COG2: variants seen among roughly 807,000 people sequenced by gnomAD.
COG2 encodes the protein conserved oligomeric Golgi complex subunit 2.
COG2 carries 52 observed loss-of-function variants against 90.6 expected under a neutral mutation model. The ratio of observed to expected loss-of-function variants is 0.57; its 90% CI spans 0.46 to 0.72. The LOEUF is 0.72. Ranked by LOEUF, COG2 falls within the 30% of genes least tolerant of loss-of-function variation. The probability of loss-of-function intolerance (pLI) is 0.00; values close to 1 mark genes in which losing one functional copy is unlikely to be tolerated. For synonymous variants in COG2, 337 were observed against 320.4 expected (o/e 1.05, Z -0.55); for missense variants, 829 against 891.2 (o/e 0.93, Z 0.89).
Position 230,691,462 on chromosome 1 carries a change from A to G in COG2, c.2013A>G (p.Arg671=), listed in dbSNP as rs759873788. The G allele has an allele frequency of 2.5e-6, 4 of 1,614,178 alleles. No individual in the cohort carries two copies. The highest frequency in any genetic ancestry group is 1.7e-5 in the Admixed American group (1 of 60,024). The stretch of plus-strand genomic sequence containing the variant: ...GCCTGAAAAGGCTGAAACAAGCCAG[A>G]AAAACCACTCCCGCCAACCCCGTCG... ...EESLKRLKQA[R]KTTPANPVGP... The change falls in exon 17 of 18, where the codon AGA becomes AGG. Residue 671 remains arginine, a synonymous_variant. Coordinates refer to ENST00000366669, the MANE Select transcript of COG2 (RefSeq NM_007357.3).
chr1:230,646,324 C>T (rs1661775589), intron 1 of COG2, among the ~76,000 whole-genome samples: 1 of 152,224 alleles, frequency 6.6e-6, no homozygotes, highest in African/African-American at 2.4e-5. Context: ...ACCAGACCTT[C>T]TCTGCTTCCT....
At chr1:230,676,520 G>A (rs149323106) in intron 9 of COG2, among the ~76,000 whole-genome samples, 67 of 151,934 alleles carry the variant, frequency 4.4e-4, no homozygotes, top group Admixed American at 9.8e-4. Flanking sequence ...TTGTTTCCTC[G>A]CTCGTACTTC....
intron 17 of COG2, among the ~76,000 whole-genome samples, chr1:230,692,730 TGC>T (rs200752188): frequency 2.8e-5 from 2 of 72,198 alleles, no homozygotes; most frequent in Non-Finnish European, 4.7e-5. Flanking sequence ...TCTTTCTCTG[TGC>T]GTGTGTGTGG....
intron 1 of COG2, among the ~76,000 whole-genome samples, chr1:230,643,853 G>A (rs896815215): frequency 9.2e-5 from 14 of 152,082 alleles, no homozygotes; most frequent in Admixed American, 7.9e-4. Flanking sequence ...GAAACCCTTC[G>A]TTTTGCCTAC....
intron 8 of COG2, 129 bp from the exon 9 acceptor site, chr1:230,674,869 A>G: frequency 1.5e-6 from 1 of 688,866 alleles, no homozygotes. Flanking sequence ...TAAATTACAA[A>G]TACGGTTTTT....
intron 3 of COG2, 83 bp downstream of exon 3, chr1:230,660,906 CT>C (rs1184376510): frequency 5.7e-6 from 5 of 881,160 alleles, no homozygotes; most frequent in Non-Finnish European, 8.5e-6. Context: ...TTCCTTTAAT[CT>C]GTTAGGTTGT....
At position 230,679,069 on chromosome 1, in the gene COG2, C is replaced by A. The variant is rs753835492; in HGVS notation, c.1166+17C>A. 1.2e-6 allele frequency: 2 copies of A among 1,606,658 alleles called. No homozygotes were observed. The highest frequency in any genetic ancestry group is 2.7e-5 in the African/African-American group (2 of 74,832). ...TCAAATAAGGTTGGTCATCTATTCA[C>A]CGCCCCCGCCCCGCACCCTTCTAAA... On this transcript the variant is annotated intron_variant, in intron 10 of 17. Transcript: ENST00000366669.
rs2478534 is a variant in COG2 at position 230,693,241 on chromosome 1, C to A, written c.2116-51C>A. ...ATTTTCTTTCTTTTTTTTCCCCCCC[C>A]ATATTCAGCTTGAATTGCAGTAACA... is the stretch of plus-strand genomic sequence containing the variant. On this transcript the variant is annotated intron_variant, in intron 17 of 17. Transcript: ENST00000366669. 0.39 allele frequency: 401,002 copies of A among 1,029,706 alleles called. 85,867 individuals carry two copies. The highest frequency in any genetic ancestry group is 0.45 in the Non-Finnish European group (292,136 of 654,424). The allele number at this position is 1,029,706 out of a possible 1,614,324, so 63.8% of individuals were successfully genotyped here.
intron 12 of COG2, among the ~76,000 whole-genome samples, chr1:230,685,667 C>G (rs981498784): frequency 1.3e-5 from 2 of 152,096 alleles, no homozygotes; most frequent in African/African-American, 4.8e-5. Flanking sequence ...TATTAAAATT[C>G]TTTTTTTGAA....
Position 230,663,148 on chromosome 1 carries a change from G to A in COG2, c.308G>A (p.Arg103Lys), listed in dbSNP as rs761922266. ...TTTTTTTGTCTTTTAAAGAGCCTTAGATCGTCTGTCAGTGAAGGAATTCGG... is the reference window on the plus strand; with the variant it reads ...TTTTTTTGTCTTTTAAAGAGCCTTAAATCGTCTGTCAGTGAAGGAATTCGG... Reference protein sequence around the residue: ...GQLREEVLSLRSSVSEGIRAV... With the variant: ...GQLREEVLSLKSSVSEGIRAV... Residue 103 changes from arginine (R) to lysine (K), a missense_variant, in exon 4 of 18, where the codon AGA (arginine) becomes AAA (lysine). Transcript: ENST00000366669. The A allele has an allele frequency of 1.2e-6, 2 of 1,606,900 alleles. No individual in the cohort carries two copies. The highest frequency in any genetic ancestry group is 2.2e-5 in the East Asian group (1 of 44,606).
chr1:230,686,421 G>A (rs1662885779), intron 12 of COG2, among the ~76,000 whole-genome samples: 1 of 152,094 alleles, frequency 6.6e-6, no homozygotes, highest in African/African-American at 2.4e-5. Context: ...TGCCCTGAAT[G>A]TTCATTATCC....
intron 7 of COG2, chr1:230,670,183 A>G (rs1662415357): frequency 1.3e-5 from 2 of 152,236 alleles, no homozygotes; most frequent in Non-Finnish European, 2.9e-5. Flanking sequence ...GTAGGAAACA[A>G]GTATATCCCA....
chr1:230,675,795 A>G (rs1662576812), intron 9 of COG2, among the ~76,000 whole-genome samples: 1 of 152,028 alleles, frequency 6.6e-6, no homozygotes, highest in Admixed American at 6.6e-5. Flanking sequence ...TCAGGCGCAC[A>G]CCACCATGCC....
intron 5 of COG2, 86 bp downstream of exon 5, chr1:230,664,673 A>C (rs1427559892): frequency 3.2e-6 from 2 of 622,678 alleles, no homozygotes; most frequent in African/African-American, 1.9e-5. Flanking sequence ...TTTCTGATAA[A>C]GAAGAAAATC....
chr1:230,676,532 A>G (rs999914690), intron 9 of COG2, among the ~76,000 whole-genome samples: 1 of 152,064 alleles, frequency 6.6e-6, no homozygotes, highest in Non-Finnish European at 1.5e-5. Context: ...TCGTACTTCT[A>G]TTACGTTTTT....
intron 16 of COG2, among the ~76,000 whole-genome samples, chr1:230,690,613 C>T (rs1373999576): frequency 6.6e-6 from 1 of 152,212 alleles, no homozygotes; most frequent in Non-Finnish European, 1.5e-5. Flanking sequence ...GGACTCGATT[C>T]CTAAAACCTC....
Position 230,659,618 on chromosome 1 carries a change from C to G in COG2, c.227C>G (p.Thr76Arg). ...TATGCAGATTTTGTCAATCTTTCAA[C>G]AAACTTGGTAAACTTTAAATCCACG... ...KDYADFVNLS[T>R]NLVGMDKALN... The change falls in exon 2 of 18, where the codon ACA (threonine) becomes AGA (arginine). Residue 76 changes from threonine to arginine, a missense_variant. Transcript: ENST00000366669. The G allele has an allele frequency of 6.2e-7, 1 of 1,613,042 alleles. No homozygotes were observed. Among genetic ancestry groups the G allele is most frequent in the Non-Finnish European group, 8.5e-7 (1 of 1,179,624 alleles).
chr1:230,662,247 T>G (rs1364927172), intron 3 of COG2, among the ~76,000 whole-genome samples: 2 of 152,176 alleles, frequency 1.3e-5, no homozygotes, highest in African/African-American at 4.8e-5. Flanking sequence ...CTGTTCTTCC[T>G]TTTTGGCTTC....
chr1:230,678,040 C>A (rs1393231035), intron 9 of COG2: 15 of 985,234 alleles, frequency 1.5e-5, no homozygotes, highest in African/African-American at 1.7e-5. Context: ...CTGTAAGATC[C>A]TTTCTAAGCA....
Sources: allele counts gnomAD v4.1 joint callset (sites outside exome capture counted in the v4.1 genomes callset), GRCh38; gene constraint gnomAD v4.1.1; transcripts MANE v1.5; gene names NCBI Gene and HGNC (gene_info 2026-07-23, HGNC 2026-07-21).